Variants in MYO1B observed in about 807,000 individuals in gnomAD.
MYO1B encodes the protein unconventional myosin-Ib.
In MYO1B, 72 loss-of-function variants were observed where a neutral mutation model predicts 159.7. The ratio of observed to expected loss-of-function variants is 0.45; its 90% CI spans 0.37 to 0.55. The LOEUF is 0.55. Ranked by LOEUF, MYO1B falls within the 20% of genes least tolerant of loss-of-function variation. The pLI, the probability that MYO1B is intolerant of heterozygous loss-of-function variation, is 0.00. For missense variants in MYO1B, 1,062 were observed against 1,364.8 expected (o/e 0.78, Z 3.50); for synonymous variants, 468 against 473.8 (o/e 0.99, Z 0.16).
intron 2 of MYO1B, among the ~76,000 whole-genome samples, chr2:191,281,889 T>C (rs1242396626): frequency 1.3e-5 from 2 of 152,220 alleles, no homozygotes; most frequent in Non-Finnish European, 2.9e-5. Context: ...TTAGATCTTA[T>C]GTTAAACTAA....
At chr2:191,342,866 A>C (rs1324248927) in intron 5 of MYO1B, among the ~76,000 whole-genome samples, 2 of 151,928 alleles carry the variant, frequency 1.3e-5, no homozygotes, top group Non-Finnish European at 2.9e-5. Context: ...AAGAAAAAAA[A>C]CTTGTTTTAT....
intron 11 of MYO1B, 100 bp downstream of exon 11, chr2:191,364,376 A>G: frequency 1.1e-6 from 1 of 919,388 alleles, no homozygotes; most frequent in Non-Finnish European, 1.7e-6. Context: ...TGTTACCTGA[A>G]TCGTACTATG....
intron 3 of MYO1B, among the ~76,000 whole-genome samples, chr2:191,301,626 A>G (rs540633287): frequency 6.6e-6 from 1 of 152,260 alleles, no homozygotes; most frequent in East Asian, 1.9e-4. Context: ...CTTGGGTCCT[A>G]TACCCAAGAT....
intron 7 of MYO1B, among the ~76,000 whole-genome samples, chr2:191,350,827 A>C (rs1271715199): frequency 6.6e-6 from 1 of 150,788 alleles, no homozygotes; most frequent in Non-Finnish European, 1.5e-5. Context: ...AACAAAAAAA[A>C]CACAATCAGA....
intron 27 of MYO1B, 144 bp from the exon 28 acceptor site, chr2:191,413,904 A>G: frequency 2.6e-6 from 2 of 767,628 alleles, no homozygotes; most frequent in Non-Finnish European, 3.9e-6. Flanking sequence ...TTTAGGACAG[A>G]TGTAAGTGTA....
At chr2:191,381,325 G>A in intron 13 of MYO1B, 137 bp from the exon 14 acceptor site, 1 of 729,778 alleles carries the variant, frequency 1.4e-6, no homozygotes, top group Non-Finnish European at 2.5e-6. Flanking sequence ...GTCTGTCCTA[G>A]GAGCCGTGTG....
chr2:191,419,721 C>T (rs541941285), intron 30 of MYO1B, among the ~76,000 whole-genome samples: 2 of 152,116 alleles, frequency 1.3e-5, no homozygotes, highest in South Asian at 4.2e-4. Flanking sequence ...AATTGATGCT[C>T]CTGACCCTGT....
chr2:191,379,689 C>T (rs1421729468), intron 13 of MYO1B, among the ~76,000 whole-genome samples: 2 of 151,646 alleles, frequency 1.3e-5, no homozygotes, highest in Non-Finnish European at 2.9e-5. Context: ...AGACTGTTGT[C>T]TAAAAAAAAA....
At chr2:191,333,783 GTT>G (rs968077093) in intron 4 of MYO1B, among the ~76,000 whole-genome samples, 1 of 152,122 alleles carries the variant, frequency 6.6e-6, no homozygotes, top group African/African-American at 2.4e-5. Context: ...TTGAGAAAAT[GTT>G]TTTACCCCTT....
intron 30 of MYO1B, among the ~76,000 whole-genome samples, chr2:191,418,470 A>ACT (rs1476525716): frequency 1.0e-5 from 1 of 95,296 alleles, no homozygotes; most frequent in Non-Finnish European, 2.3e-5. Flanking sequence ...AGTCCTGTTT[A>ACT]CTCTTTAGTG....
In MYO1B at chr2:191,392,977, CCA is replaced by C. The variant is rs1207816436; in HGVS notation, c.2077-95_2077-94del. 32 of 1,088,218 alleles carry C rather than the reference CCA, an allele frequency of 2.9e-5. No homozygotes were observed. In the African/African-American group the frequency reaches 4.3e-4, roughly 14 times the overall value. The allele number at this position is 1,088,218 out of a possible 1,614,324, so 67.4% of individuals were successfully genotyped here. ...GTTCTTTTTTTCAATGTAATTGACT[CCA>C]ACATGATGGCATTTTGTCTCCTGAA... On this transcript the variant is annotated intron_variant, in intron 19 of 30. Transcript: ENST00000392318.
At chr2:191,297,524 G>A in intron 3 of MYO1B, among the ~76,000 whole-genome samples, 1 of 152,142 alleles carries the variant, frequency 6.6e-6, no homozygotes, top group African/African-American at 2.4e-5. Flanking sequence ...TTTCGCAGTA[G>A]CATCATCCTC....
At position 191,402,481 on chromosome 2, in the gene MYO1B, C is replaced by T. The variant is rs1273139161; in HGVS notation, c.2470-151C>T. 4.4e-6 allele frequency: 3 copies of T among 678,706 alleles called. No individual in the cohort carries two copies. The East Asian group carries it at 8.2e-5, about 19-fold the overall frequency. The allele number at this position is 678,706 out of a possible 1,614,324, so 42.0% of individuals were successfully genotyped here. A position where few individuals can be genotyped will look rare whatever the true frequency, so the allele number is the denominator to read the frequency against. On this transcript the variant is annotated intron_variant, in intron 23 of 30. Coordinates refer to ENST00000392318, the MANE Select transcript of MYO1B (RefSeq NM_001130158.3). ...GCGCTGCACCAGCCTGACACCAATTCTTTGGGTTTAAATTGTTATGCACTG... is the reference window on the plus strand; with the variant it reads ...GCGCTGCACCAGCCTGACACCAATTTTTTGGGTTTAAATTGTTATGCACTG...
chr2:191,398,289 G>T (rs1696306285), intron 21 of MYO1B, among the ~76,000 whole-genome samples: 1 of 107,818 alleles, frequency 9.3e-6, no homozygotes, highest in Non-Finnish European at 2.1e-5. Context: ...TGGCCGGGCG[G>T]GGGGCTGACC....
At chr2:191,292,945 A>C (rs1688770251) in intron 2 of MYO1B, among the ~76,000 whole-genome samples, 1 of 152,206 alleles carries the variant, frequency 6.6e-6, no homozygotes. Flanking sequence ...GGCCTTAGGC[A>C]TCTGGTGTCC....
At chr2:191,278,289 C>T (rs1178110683) in intron 2 of MYO1B, among the ~76,000 whole-genome samples, 2 of 152,216 alleles carry the variant, frequency 1.3e-5, no homozygotes, top group Non-Finnish European at 2.9e-5. Flanking sequence ...AGGAATACTC[C>T]TTCATAAGGG....
At chr2:191,323,389 C>T (rs752307166) in intron 3 of MYO1B, among the ~76,000 whole-genome samples, 15 of 152,122 alleles carry the variant, frequency 9.9e-5, no homozygotes, top group Non-Finnish European at 1.6e-4. Flanking sequence ...TGGAGTTGCT[C>T]TGTTTTGAAG....
intron 2 of MYO1B, among the ~76,000 whole-genome samples, chr2:191,278,674 A>G (rs1475502561): frequency 1.3e-5 from 2 of 152,252 alleles, no homozygotes; most frequent in Non-Finnish European, 2.9e-5. Flanking sequence ...TGGAAAAGGT[A>G]TAAAACACTG....
At chr2:191,310,019 TG>T (rs1446358508) in intron 3 of MYO1B, among the ~76,000 whole-genome samples, 1 of 152,198 alleles carries the variant, frequency 6.6e-6, no homozygotes, top group Non-Finnish European at 1.5e-5. Flanking sequence ...GGAGAGCTGC[TG>T]TTGGTTAGAA....
Sources: gnomAD v4.1 joint callset for allele counts (sites outside exome capture counted in the v4.1 genomes callset) on GRCh38, gnomAD v4.1.1 for gene constraint, MANE v1.5 for transcripts, NCBI Gene and HGNC (gene_info 2026-07-23, HGNC 2026-07-21) for gene names.